The following SHD variants were observed in gnomAD, a reference collection of about 807,000 sequenced individuals.
The protein encoded by SHD is Src homology 2 domain containing transforming protein D, also known as SH2 domain-containing adapter protein D.
Under a neutral mutation model 31.2 loss-of-function variants are expected in SHD, and 29 were observed. That is an observed-to-expected ratio of 0.93 (90% CI 0.69 to 1.27). SHD has a LOEUF of 1.27. Among genes scored for constraint, SHD ranks in the 50% most tolerant of loss-of-function variants. The pLI, the probability that SHD is intolerant of heterozygous loss-of-function variation, is 0.00. For missense variants in SHD, 520 were observed against 453.8 expected (o/e 1.15, Z -1.33); for synonymous variants, 208 against 187.8 (o/e 1.11, Z -0.88).
At chr19:4,285,830 G>A (rs1971302809) in intron 4 of SHD, among the ~76,000 whole-genome samples, 1 of 149,010 alleles carries the variant, frequency 6.7e-6, no homozygotes, top group African/African-American at 2.5e-5. Context: ...TTACAGGTGT[G>A]AGCCACCCCG....
At chr19:4,289,269 C>G (rs34982700) in intron 5 of SHD, among the ~76,000 whole-genome samples, 24,014 of 150,710 alleles carry the variant, frequency 0.16, 2,224 homozygotes, top group Admixed American at 0.24. Flanking sequence ...CACCACCACG[C>G]CCGGCTAATT....
intron 5 of SHD, among the ~76,000 whole-genome samples, chr19:4,288,846 G>A (rs1296455900): frequency 3.9e-5 from 6 of 152,054 alleles, no homozygotes; most frequent in East Asian, 1.9e-4. Flanking sequence ...CTAAAAGCAC[G>A]AGATTGGGGC....
chr19:4,289,866 C>T (rs866968106), intron 5 of SHD, among the ~76,000 whole-genome samples: 25 of 151,064 alleles, frequency 1.7e-4, no homozygotes, highest in African/African-American at 5.4e-4. Context: ...CCACCGCGCC[C>T]AGCCTATTTT....
chr19:4,288,639 C>T (rs932788639), intron 5 of SHD, among the ~76,000 whole-genome samples: 2 of 152,124 alleles, frequency 1.3e-5, no homozygotes, highest in Non-Finnish European at 2.9e-5. Context: ...GAACTAGGTG[C>T]ACAAGATTCC....
intron 5 of SHD, among the ~76,000 whole-genome samples, chr19:4,288,845 C>T (rs1362518195): frequency 6.6e-6 from 1 of 152,014 alleles, no homozygotes; most frequent in Non-Finnish European, 1.5e-5. Flanking sequence ...TCTAAAAGCA[C>T]GAGATTGGGG....
intron 4 of SHD, among the ~76,000 whole-genome samples, chr19:4,285,263 CAG>C (rs566317640): frequency 1.8e-4 from 28 of 152,322 alleles, no homozygotes; most frequent in African/African-American, 6.5e-4. Context: ...CTTACAGCCT[CAG>C]AGCCAAGAGA....
intron 4 of SHD, among the ~76,000 whole-genome samples, chr19:4,287,913 C>T (rs150965025): frequency 8.2e-4 from 66 of 80,128 alleles, no homozygotes; most frequent in African/African-American, 2.8e-3. Flanking sequence ...TTTGTTTGTT[C>T]GTTTGTTTTG....
intron 3 of SHD, 68 bp from the exon 4 acceptor site, chr19:4,284,713 G>C (rs758458606): frequency 1.2e-5 from 17 of 1,388,974 alleles, no homozygotes; most frequent in Non-Finnish European, 1.5e-5. Flanking sequence ...GATTCCATTG[G>C]CTTGCCCCTG....
At chr19:4,288,170 G>T in intron 4 of SHD, 73 bp from the exon 5 acceptor site, 3 of 1,514,866 alleles carry the variant, frequency 2.0e-6, no homozygotes, top group Non-Finnish European at 2.7e-6. Context: ...CTCCCAAAGT[G>T]CTGGGATTAC....
At chr19:4,288,483 A>T in intron 5 of SHD, 121 bp downstream of exon 5, 842 of 888,554 alleles carry the variant, frequency 9.5e-4, no homozygotes, top group East Asian at 2.9e-3. Flanking sequence ...CTTCCAGGTC[A>T]GTGGGTGGGA....
chr19:4,285,889 CTTTT>C lies in SHD; in HGVS notation c.716+1003_716+1006del, dbSNP rs56142317. Among the ~76,000 whole-genome samples the C allele has an allele frequency of 1.3e-3, 110 of 87,366 alleles. 1 individual carries two copies. The highest frequency in any genetic ancestry group is 0.011 in the Middle Eastern group (1 of 90). The allele number at this position is 87,366 out of a possible 152,430, so 57.3% of individuals were successfully genotyped here. ...TCTTCTCTTTCTTTTCTTTTCCTTT[CTTTT>C]TTTTTTTTTTTTTTTTTGACAGAGC... On this transcript the variant is annotated intron_variant, in intron 4 of 5. Transcript: ENST00000543264.
chr19:4,280,395 A>G, intron 1 of SHD, 35 bp downstream of exon 1: 3 of 1,526,782 alleles, frequency 2.0e-6, no homozygotes, highest in Non-Finnish European at 2.6e-6. Context: ...GACTGGGTGG[A>G]GGGGAGGCTC....
rs769833661 is a variant in SHD, at chr19:4,290,579, G to T, written c.969G>T (p.Val323=). Residue 323 remains valine (V), a synonymous_variant, in exon 6 of 6, where the codon GTG becomes GTT. Transcript: ENST00000543264. Reference sequence around the variant, plus strand: ...ACTACAGTTCACGCCCACTGCCGGTGCAGGGTGCCGAGCATCTGGCTCTGC... The same window carrying T: ...ACTACAGTTCACGCCCACTGCCGGTTCAGGGTGCCGAGCATCTGGCTCTGC... ...VLHYSSRPLP[V]QGAEHLALLY... 8 of 1,613,586 alleles carry T rather than the reference G, an allele frequency of 5.0e-6. No individual in the cohort carries two copies. The South Asian group carries it at 8.8e-5, about 18-fold the overall frequency.
intron 5 of SHD, 125 bp downstream of exon 5, chr19:4,288,487 G>C (rs1971343924): frequency 8.2e-7 from 1 of 1,218,518 alleles, no homozygotes; most frequent in Non-Finnish European, 1.1e-6. Flanking sequence ...CAGGTCAGTG[G>C]GTGGGACTTC....
rs199820432 is a variant in SHD at position 4,284,768 on chromosome 19, A to G, written c.593-13A>G. The G allele has an allele frequency of 1.3e-6, 2 of 1,577,564 alleles. No individual in the cohort carries two copies. The highest frequency in any genetic ancestry group is 2.3e-5 in the East Asian group (1 of 42,564). On this transcript the variant is annotated splice_polypyrimidine_tract_variant and intron_variant, in intron 3 of 5. Transcript: ENST00000543264. ...CTGGACTTAACCCTTTCCTCTCTAA[A>G]TCTCCTTTCCAGTGCAGTTTGACAG...
intron 5 of SHD, among the ~76,000 whole-genome samples, chr19:4,289,078 C>T (rs917829299): frequency 3.4e-5 from 5 of 146,508 alleles, no homozygotes; most frequent in Admixed American, 6.9e-5. Context: ...GGAAGACTTT[C>T]GGCGCATACC....
chr19:4,285,634 C>T (rs2144717686), intron 4 of SHD, among the ~76,000 whole-genome samples: 1 of 151,192 alleles, frequency 6.6e-6, no homozygotes, highest in South Asian at 2.1e-4. Context: ...ACTGCAACCT[C>T]CATCTCACAG....
intron 4 of SHD, among the ~76,000 whole-genome samples, chr19:4,287,688 G>T (rs886977600): frequency 6.6e-6 from 1 of 152,006 alleles, no homozygotes; most frequent in Non-Finnish European, 1.5e-5. Flanking sequence ...TGGAGGCTGA[G>T]GCAGGAGAAT....
intron 5 of SHD, among the ~76,000 whole-genome samples, chr19:4,290,215 T>C (rs973350844): frequency 2.0e-5 from 3 of 152,144 alleles, no homozygotes; most frequent in African/African-American, 4.8e-5. Flanking sequence ...GGTCTCACTC[T>C]GTTGGCCAGG....
Sources: gnomAD v4.1 joint callset for allele counts (sites outside exome capture counted in the v4.1 genomes callset) on GRCh38, gnomAD v4.1.1 for gene constraint, MANE v1.5 for transcripts, NCBI Gene and HGNC (gene_info 2026-07-23, HGNC 2026-07-21) for gene names.